Variants in NSMCE4A observed in about 807,000 individuals in gnomAD.
NSMCE4A encodes non-structural maintenance of chromosomes element 4 homolog A.
NSMCE4A carries 40 observed loss-of-function variants against 47.9 expected under a neutral mutation model. That is an observed-to-expected ratio of 0.83 (90% CI 0.65 to 1.09). The LOEUF (loss-of-function observed/expected upper bound fraction) is 1.09, where lower values mean the gene tolerates loss of function less well. Ranked by LOEUF, NSMCE4A falls within the 50% of genes least tolerant of loss-of-function variation. The pLI is 0.00. For missense variants in NSMCE4A, 500 were observed against 507.0 expected (o/e 0.99, Z 0.13); for synonymous variants, 166 against 178.5 (o/e 0.93, Z 0.56).
At chr10:121,969,827 T>C (rs1052900374) in intron 3 of NSMCE4A, among the ~76,000 whole-genome samples, 1 of 152,152 alleles carries the variant, frequency 6.6e-6, no homozygotes, top group African/African-American at 2.4e-5. Flanking sequence ...GGGATTATCC[T>C]GCCTTAGCCT....
intron 2 of NSMCE4A, 127 bp from the exon 3 acceptor site, chr10:121,971,196 C>T (rs975179348): frequency 9.4e-5 from 76 of 804,498 alleles, no homozygotes; most frequent in Non-Finnish European, 1.4e-4. Flanking sequence ...TCTCAATAGG[C>T]AACTGACACA....
intron 3 of NSMCE4A, among the ~76,000 whole-genome samples, 179 bp downstream of exon 3, chr10:121,970,760 C>G (rs2134778801): frequency 6.6e-6 from 1 of 152,302 alleles, no homozygotes; most frequent in East Asian, 1.9e-4. Context: ...AGCCCCCACC[C>G]AAGATTCCAC....
Position 121,959,716 on chromosome 10 carries a change from C to T in NSMCE4A, c.989-121G>A, listed in dbSNP as rs1017134944. On this transcript the variant is annotated intron_variant, in intron 8 of 10. Transcript: ENST00000369023. ...TATTGAAAAGATACTTATAATATTA[C>T]ATACTTTTTAGGATTTCATGCATTA... The T allele has an allele frequency of 8.8e-5, 59 of 668,768 alleles. No individual in the cohort carries two copies. The African/African-American group carries it at 1.0e-3, about 12-fold the overall frequency. 41.4% of individuals were successfully genotyped at this position (668,768 alleles called of 1,614,324 possible). A position where few individuals can be genotyped will look rare whatever the true frequency, so the allele number is the denominator to read the frequency against.
At chr10:121,970,299 C>T (rs897990225) in intron 3 of NSMCE4A, among the ~76,000 whole-genome samples, 2 of 151,514 alleles carry the variant, frequency 1.3e-5, no homozygotes, top group African/African-American at 4.8e-5. Context: ...GATGAAACCC[C>T]GTCTCTACTA....
At position 121,965,296 on chromosome 10, in the gene NSMCE4A, A is replaced by G; in HGVS notation, c.743T>C (p.Met248Thr). The G allele has an allele frequency of 6.2e-7, 1 of 1,611,284 alleles. No individual in the cohort carries two copies. The highest frequency in any genetic ancestry group is 2.2e-5 in the East Asian group (1 of 44,874). The change falls in exon 5 of 11, where the codon ATG becomes ACG. Residue 248 changes from methionine to threonine, a missense_variant. Coordinates refer to ENST00000369023, the MANE Select transcript of NSMCE4A (RefSeq NM_017615.3). ...KVPVIQEERA[M>T]PAQLRRMEES... is the part of the protein sequence containing the mutation. The stretch of plus-strand genomic sequence containing the variant: ...CATTTTAAAACAAACCTGGGCAGGC[A>G]TTGCCCTCTCCTCTTGTATCACAGG...
At chr10:121,957,429 CTTTTTTTT>C (rs34808169) in intron 10 of NSMCE4A, among the ~76,000 whole-genome samples, 170 bp from the exon 11 acceptor site, 2 of 98,360 alleles carry the variant, frequency 2.0e-5, no homozygotes, top group Admixed American at 1.2e-4. Flanking sequence ...CTTCTTTTTT[CTTTTTTTT>C]TTTTTTTTTT....
chr10:121,966,419 G>A (rs1413048750), intron 4 of NSMCE4A: 1 of 152,300 alleles, frequency 6.6e-6, no homozygotes, highest in East Asian at 1.9e-4. Flanking sequence ...AAAGTTTAAG[G>A]CTTTATCTTT....
At chr10:121,959,034 C>T (rs931641997) in intron 10 of NSMCE4A, among the ~76,000 whole-genome samples, 4 of 152,056 alleles carry the variant, frequency 2.6e-5, no homozygotes, top group African/African-American at 9.7e-5. Context: ...AGGCTGATCT[C>T]GAACTCCTGA....
intron 2 of NSMCE4A, among the ~76,000 whole-genome samples, chr10:121,973,064 C>T (rs981077866): frequency 1.3e-5 from 2 of 151,926 alleles, no homozygotes; most frequent in Non-Finnish European, 1.5e-5. Flanking sequence ...TGGCGAAACC[C>T]GTCTCTACTA....
At chr10:121,959,434 A>C in intron 9 of NSMCE4A, 24 bp from the exon 10 acceptor site, 1 of 1,613,750 alleles carries the variant, frequency 6.2e-7, no homozygotes, top group East Asian at 2.2e-5. Flanking sequence ...ATGAACATTT[A>C]GGCACTGGGC....
At position 121,960,349 on chromosome 10, in the gene NSMCE4A, A is replaced by G; in HGVS notation, c.988+9T>C. The G allele has an allele frequency of 6.8e-7, 1 of 1,478,314 alleles. No individual in the cohort carries two copies. The highest frequency in any genetic ancestry group is 8.9e-7 in the Non-Finnish European group (1 of 1,119,992). 91.6% of individuals were successfully genotyped at this position (1,478,314 alleles called of 1,614,324 possible). ...TAAAACTAATTTTTCCAAACATAGTATCATTTACCTATTACTGGCAGTCGG... is the reference window on the plus strand; with the variant it reads ...TAAAACTAATTTTTCCAAACATAGTGTCATTTACCTATTACTGGCAGTCGG... On this transcript the variant is annotated intron_variant, in intron 8 of 10. Transcript: ENST00000369023. The surrounding 1 kb of genome is among the most constrained non-coding windows in gnomAD (Gnocchi z 4.2).
At chr10:121,974,281 A>C (rs1249780604) in intron 1 of NSMCE4A, 200 bp from the exon 2 acceptor site, 1 of 1,398,974 alleles carries the variant, frequency 7.1e-7, no homozygotes, top group Non-Finnish European at 9.3e-7. Context: ...ATGAATTTTA[A>C]AAGGAAACCC....
intron 10 of NSMCE4A, 141 bp downstream of exon 10, chr10:121,959,183 T>C (rs1484508946): frequency 2.8e-6 from 2 of 718,184 alleles, no homozygotes; most frequent in Admixed American, 4.2e-5. Flanking sequence ...TATCCCTTTC[T>C]CACCTGTTAC....
chr10:121,961,463 C>G lies in NSMCE4A; in HGVS notation c.899G>C (p.Arg300Pro). 1 of 1,577,252 alleles carries G rather than the reference C, an allele frequency of 6.3e-7. No homozygotes were observed. Among genetic ancestry groups the G allele is most frequent in the Non-Finnish European group, 8.5e-7 (1 of 1,169,826 alleles). The stretch of plus-strand genomic sequence containing the variant: ...AACATGAAAGATGTTTTCCACTGTA[C>G]GGGGGAAAGAATGAGGATCAACCAC... ...DFVVDPHSFP[R>P]TVENIFHVSF... The change falls in exon 7 of 11, where the codon CGT becomes CCT. Residue 300 changes from arginine to proline, a missense_variant. Arg to Pro is a moderately radical substitution (Grantham distance 103). Coordinates refer to ENST00000369023, the MANE Select transcript of NSMCE4A (RefSeq NM_017615.3).
At chr10:121,971,633 A>C (rs924940140) in intron 2 of NSMCE4A, among the ~76,000 whole-genome samples, 1 of 152,324 alleles carries the variant, frequency 6.6e-6, no homozygotes, top group African/African-American at 2.4e-5. Context: ...GCTGAATCAC[A>C]ATCTCTTAAA....
At chr10:121,963,752 C>T (rs1413197600) in intron 5 of NSMCE4A, among the ~76,000 whole-genome samples, 1 of 151,976 alleles carries the variant, frequency 6.6e-6, no homozygotes, top group Non-Finnish European at 1.5e-5. Context: ...TGGTGACAGG[C>T]GCCTGTACTC....
chr10:121,957,436 T>C (rs776524176), intron 10 of NSMCE4A, among the ~76,000 whole-genome samples, 177 bp from the exon 11 acceptor site: 2,017 of 119,130 alleles, frequency 0.017, 21 homozygotes, highest in Middle Eastern at 0.021. Flanking sequence ...TTTCTTTTTT[T>C]TTTTTTTTTT....
intron 2 of NSMCE4A, among the ~76,000 whole-genome samples, chr10:121,971,957 G>A (rs942116788): frequency 3.3e-5 from 5 of 152,178 alleles, no homozygotes; most frequent in South Asian, 4.2e-4. Flanking sequence ...ACCCGAGGAC[G>A]GATACTCAAA....
intron 2 of NSMCE4A, among the ~76,000 whole-genome samples, chr10:121,973,494 T>TCTCA (rs539649960): frequency 2.0e-5 from 3 of 152,146 alleles, no homozygotes; most frequent in Admixed American, 1.3e-4. Flanking sequence ...CTGGGATCTC[T>TCTCA]CTCACTCACT....
Sources: allele counts gnomAD v4.1 joint callset (sites outside exome capture counted in the v4.1 genomes callset), GRCh38; gene constraint gnomAD v4.1.1; non-coding constraint Gnocchi (gnomAD v3.1); transcripts MANE v1.5; gene names NCBI Gene and HGNC (gene_info 2026-07-23, HGNC 2026-07-21).